The following TEX36 variants were observed in gnomAD, a reference collection of about 807,000 sequenced individuals.
The protein encoded by TEX36 is testis-expressed protein 36.
A neutral mutation model predicts 13.6 loss-of-function variants in TEX36; 12 were observed. The observed-to-expected ratio is 0.88, with a 90% CI of 0.56 to 1.43. The LOEUF (loss-of-function observed/expected upper bound fraction) is 1.43, where lower values mean the gene tolerates loss of function less well. Ranked by LOEUF, TEX36 falls within the 40% of genes most tolerant of loss-of-function variation. The pLI is 0.00. For synonymous variants in TEX36, 93 were observed against 83.0 expected, an observed-to-expected ratio of 1.12 and a Z score of -0.65; for missense variants, 224 against 228.3, an observed-to-expected ratio of 0.98 and a Z score of 0.12.
chr10:125,619,167 G>A (rs1846397436), downstream of TEX36, among the ~76,000 whole-genome samples: 2 of 151,878 alleles, frequency 1.3e-5, no homozygotes, highest in African/African-American at 4.8e-5. Context: ...TAAAAATAAA[G>A]CCTTGGAGAA....
chr10:125,613,134 T>G (rs1003143845), intron 3 of TEX36, among the ~76,000 whole-genome samples: 7 of 150,842 alleles, frequency 4.6e-5, no homozygotes, highest in African/African-American at 7.3e-5. Context: ...TCAGGAAAGC[T>G]AGGGTCAGTC....
chr10:125,626,749 G>A (rs1185388546), intron 3 of TEX36, among the ~76,000 whole-genome samples: 1 of 152,178 alleles, frequency 6.6e-6, no homozygotes, highest in Non-Finnish European at 1.5e-5. Context: ...GGATCCAGGA[G>A]AGCACTAAAT....
At chr10:125,597,009 A>G (rs915846628) in intron 3 of TEX36, among the ~76,000 whole-genome samples, 2 of 152,238 alleles carry the variant, frequency 1.3e-5, no homozygotes, top group African/African-American at 4.8e-5. Context: ...CCTTTGCAAC[A>G]TTGCTAGAAC....
chr10:125,615,564 T>C (rs1846346587), intron 3 of TEX36, among the ~76,000 whole-genome samples: 1 of 151,974 alleles, frequency 6.6e-6, no homozygotes, highest in African/African-American at 2.4e-5. Context: ...TCTTTGGTTC[T>C]GTTTATATGC....
intron 2 of TEX36, 68 bp downstream of exon 2, chr10:125,661,778 G>C: frequency 6.5e-7 from 1 of 1,527,396 alleles, no homozygotes; most frequent in South Asian, 1.2e-5. Flanking sequence ...TTGGCCCAAC[G>C]TGCCAGCGGC....
intron 1 of TEX36, among the ~76,000 whole-genome samples, chr10:125,680,614 T>A (rs989966484): frequency 3.9e-5 from 6 of 152,172 alleles, no homozygotes; most frequent in Non-Finnish European, 7.3e-5. Flanking sequence ...AACTGCAAAA[T>A]GACTGTCACC....
intron 3 of TEX36, among the ~76,000 whole-genome samples, chr10:125,610,076 C>T (rs1246500617): frequency 6.6e-6 from 1 of 152,204 alleles, no homozygotes; most frequent in African/African-American, 2.4e-5. Flanking sequence ...AATGCCATGG[C>T]AATAGCTGGA....
At chr10:125,608,876 T>G (rs1165424976) in intron 3 of TEX36, among the ~76,000 whole-genome samples, 1 of 150,168 alleles carries the variant, frequency 6.7e-6, no homozygotes, top group Non-Finnish European at 1.5e-5. Context: ...GGCTAACACC[T>G]GTAATCCCAG....
At chr10:125,679,563 A>G (rs867236510) in intron 1 of TEX36, among the ~76,000 whole-genome samples, 18 of 152,248 alleles carry the variant, frequency 1.2e-4, no homozygotes, top group Non-Finnish European at 2.1e-4. Context: ...ACACATTTCT[A>G]CAGTGGGCAT....
rs183537106 is a variant in TEX36, at chr10:125,597,406, G to A, written c.265-20532C>T. 2.6e-3 allele frequency among the ~76,000 whole-genome samples: 393 copies of A among 152,306 alleles called. 4 individuals are homozygous for A. The highest frequency in any genetic ancestry group is 9.0e-3 in the African/African-American group (374 of 41,568). On this transcript the variant is annotated intron_variant, in intron 3 of 3. Transcript: ENST00000532135. Reference sequence around the variant, plus strand: ...AGTGAGGCATTTATTACAGGGTGCTGAGCAAAGAGAACCTTGCAACTAATG... The same window carrying A: ...AGTGAGGCATTTATTACAGGGTGCTAAGCAAAGAGAACCTTGCAACTAATG...
At chr10:125,607,769 A>G (rs1470933881) in intron 3 of TEX36, among the ~76,000 whole-genome samples, 2 of 151,920 alleles carry the variant, frequency 1.3e-5, no homozygotes, top group Non-Finnish European at 2.9e-5. Flanking sequence ...AGTGCTCAAT[A>G]AATATTTACT....
chr10:125,630,419 G>A (rs987077464), intron 3 of TEX36, among the ~76,000 whole-genome samples: 2 of 152,166 alleles, frequency 1.3e-5, no homozygotes, highest in African/African-American at 4.8e-5. Context: ...CGTGTGGGCT[G>A]TTCATGTGGG....
At chr10:125,631,484 T>C (rs1846553854) in intron 3 of TEX36, among the ~76,000 whole-genome samples, 1 of 152,168 alleles carries the variant, frequency 6.6e-6, no homozygotes, top group Admixed American at 6.5e-5. Context: ...ATTTTCTGAA[T>C]GTGTTCTCTT....
downstream of TEX36, among the ~76,000 whole-genome samples, chr10:125,654,137 G>A (rs375212309): frequency 1.3e-5 from 2 of 151,952 alleles, no homozygotes; most frequent in South Asian, 2.1e-4. Flanking sequence ...TAGAAAAATC[G>A]AGAAGAGAAT....
intron 3 of TEX36, among the ~76,000 whole-genome samples, chr10:125,585,092 G>A (rs1172928845): frequency 6.6e-6 from 1 of 152,120 alleles, no homozygotes; most frequent in Non-Finnish European, 1.5e-5. Context: ...GAGAAGAATG[G>A]AAAGAAAAAC....
chr10:125,647,790 G>A (rs988706560), intron 3 of TEX36, among the ~76,000 whole-genome samples: 10 of 152,120 alleles, frequency 6.6e-5, no homozygotes, highest in East Asian at 5.8e-4. Context: ...CTGGAAAATC[G>A]GGACACTCCC....
chr10:125,631,691 G>A (rs1163826455), intron 3 of TEX36, among the ~76,000 whole-genome samples: 1 of 152,192 alleles, frequency 6.6e-6, no homozygotes, highest in Non-Finnish European at 1.5e-5. Context: ...GGTGGGTAGG[G>A]GGAGAAGCAT....
chr10:125,662,249 T>C (rs1013565427), intron 1 of TEX36, among the ~76,000 whole-genome samples: 9 of 151,902 alleles, frequency 5.9e-5, no homozygotes, highest in Non-Finnish European at 1.3e-4. Flanking sequence ...GTAAGGAGGG[T>C]GTGGTCCTCA....
downstream of TEX36, among the ~76,000 whole-genome samples, chr10:125,654,319 T>C (rs1052524577): frequency 1.3e-5 from 2 of 151,998 alleles, no homozygotes; most frequent in Non-Finnish European, 2.9e-5. Context: ...AAAATAGCCA[T>C]AGAATATCAA....
Sources: gnomAD v4.1 joint callset for allele counts (sites outside exome capture counted in the v4.1 genomes callset) on GRCh38, gnomAD v4.1.1 for gene constraint, MANE v1.5 for transcripts, NCBI Gene and HGNC (gene_info 2026-07-23, HGNC 2026-07-21) for gene names.